MIB1: variants seen among roughly 807,000 people sequenced by gnomAD.
The protein encoded by MIB1 is MIB E3 ubiquitin protein ligase 1.
In MIB1, 278 loss-of-function variants were observed where a neutral mutation model predicts 124.5. The observed-to-expected ratio is 2.23, with a 90% CI of 2.02 to 2.47. The LOEUF (loss-of-function observed/expected upper bound fraction) is 2.47. Ranked by LOEUF, MIB1 falls within the 30% of genes most tolerant of loss-of-function variation. The pLI, the probability that MIB1 is intolerant of heterozygous loss-of-function variation, is 0.00. For missense variants in MIB1, 957 were observed against 1,254.4 expected (o/e 0.76, Z 3.58); for synonymous variants, 446 against 429.4 (o/e 1.04, Z -0.48).
At position 21,865,356 on chromosome 18, in the gene MIB1, A is replaced by G. The variant is rs1169182084; in HGVS notation, c.*690A>G. ...AGTTTCAAGGTGACTGATAGACAAG[A>G]AAAGGAAAAATAAGCAATAATAGTG... On this transcript the variant is annotated 3_prime_UTR_variant, in exon 21 of 21. Coordinates refer to ENST00000261537, the MANE Select transcript of MIB1 (RefSeq NM_020774.4). 5 of 152,332 alleles carry G rather than the reference A, an allele frequency of 3.3e-5. No individual in the cohort carries two copies. In the East Asian group the frequency reaches 9.6e-4, roughly 29 times the overall value. The allele number at this position is 152,332 out of a possible 1,614,324, so 9.4% of individuals were successfully genotyped here.
chr18:21,798,022 A>G, intron 7 of MIB1, 62 bp from the exon 8 acceptor site: 1 of 1,502,044 alleles, frequency 6.7e-7, no homozygotes, highest in South Asian at 1.3e-5. Flanking sequence ...TATAAAAACT[A>G]GTGATTGACT....
rs750564067 is a variant in MIB1, at chr18:21,778,174, G to T, written c.703+5G>T. ...GAGATCACTGCCCTGTGCTAGGTGA[G>T]TGAGAAGATTAGAGAGTATTACTAA... On this transcript the variant is annotated splice_donor_5th_base_variant and intron_variant, in intron 5 of 20. Transcript: ENST00000261537. 6.3e-7 allele frequency: 1 copy of T among 1,586,734 alleles called. No individual in the cohort carries two copies.
At chr18:21,829,105 C>A in intron 12 of MIB1, 1 of 435,168 alleles carries the variant, frequency 2.3e-6, no homozygotes. Context: ...AAGTTGTTAG[C>A]TGTAAAAACA....
intron 6 of MIB1, among the ~76,000 whole-genome samples, chr18:21,789,183 C>T (rs528808212): frequency 1.3e-5 from 2 of 152,086 alleles, no homozygotes; most frequent in African/African-American, 4.8e-5. Flanking sequence ...TGTTGTATGC[C>T]TTTCTCCCAG....
At position 21,779,555 on chromosome 18, in the gene MIB1, A is replaced by ATT; in HGVS notation, c.779_780dup (p.Val261LeufsTer20). The ATT allele has an allele frequency of 6.2e-7, 1 of 1,614,086 alleles. No individual in the cohort carries two copies. The highest frequency in any genetic ancestry group is 8.5e-7 in the Non-Finnish European group (1 of 1,180,000). ...GGTAAATATAGATCTCGACCTCGAA[A>ATT]TTGTACAGTCTTTGCAGCATGGTCA... On this transcript the variant is annotated frameshift_variant, in exon 6 of 21. Coordinates refer to ENST00000261537, the MANE Select transcript of MIB1 (RefSeq NM_020774.4). LOFTEE classifies it high-confidence loss of function.
chr18:21,729,186 A>G (rs1301145670), intron 1 of MIB1, among the ~76,000 whole-genome samples: 6 of 152,360 alleles, frequency 3.9e-5, no homozygotes, highest in Non-Finnish European at 7.3e-5. Context: ...CATCACCTCT[A>G]TAGGTCTTTG....
Position 21,798,614 on chromosome 18 carries a change from A to T in MIB1, c.1237+386A>T, listed in dbSNP as rs2041613675. ...TCTTTATTTTTTCTGTATTTCCAACATTATTGCTAGCAGATGGCTTTCCTT... is the reference window on the plus strand; with the variant it reads ...TCTTTATTTTTTCTGTATTTCCAACTTTATTGCTAGCAGATGGCTTTCCTT... On this transcript the variant is annotated intron_variant, in intron 8 of 20. Coordinates refer to ENST00000261537, the MANE Select transcript of MIB1 (RefSeq NM_020774.4). Among the ~76,000 whole-genome samples, 5 of 152,090 alleles carry T rather than the reference A, an allele frequency of 3.3e-5. No individual in the cohort carries two copies. In the South Asian group the frequency reaches 1.0e-3, roughly 32 times the overall value.
chr18:21,795,454 C>A (rs1174133262), intron 7 of MIB1, among the ~76,000 whole-genome samples: 1 of 147,550 alleles, frequency 6.8e-6, no homozygotes, highest in Non-Finnish European at 1.5e-5. Context: ...TATATTAAAG[C>A]AGACAATGTA....
At chr18:21,786,242 G>A (rs896003378) in intron 6 of MIB1, among the ~76,000 whole-genome samples, 7 of 151,910 alleles carry the variant, frequency 4.6e-5, no homozygotes, top group South Asian at 2.1e-4. Flanking sequence ...GACTACAGGC[G>A]CCTGCCACGA....
intron 1 of MIB1, among the ~76,000 whole-genome samples, chr18:21,723,879 C>CTT (rs879535779): frequency 2.1e-5 from 3 of 142,108 alleles, no homozygotes; most frequent in East Asian, 2.0e-4. Flanking sequence ...CAGAGCTTAA[C>CTT]TTTTTTTTTT....
chr18:21,741,952 C>A lies in MIB1; in HGVS notation c.229+140C>A. The A allele has an allele frequency of 1.4e-6, 1 of 728,662 alleles. No individual in the cohort carries two copies. Among genetic ancestry groups the A allele is most frequent in the Non-Finnish European group, 2.2e-6 (1 of 462,008 alleles). The allele number at this position is 728,662 out of a possible 1,614,324, so 45.1% of individuals were successfully genotyped here. A position where few individuals can be genotyped will look rare whatever the true frequency, so the allele number is the denominator to read the frequency against. On this transcript the variant is annotated intron_variant, in intron 1 of 20. Coordinates refer to ENST00000261537, the MANE Select transcript of MIB1 (RefSeq NM_020774.4). The surrounding 1 kb of genome is among the most constrained non-coding windows in gnomAD (Gnocchi z 5.4). ...GGCTGGAGCGAGCGGAAAGGCAAAG[C>A]GCCAAAGGAATTCTAGGTTCCGAAC...
chr18:21,831,105 C>CAAAAAAAAAAA (rs199659946), intron 12 of MIB1: 7 of 60,748 alleles, frequency 1.2e-4, no homozygotes, highest in East Asian at 7.9e-4. Context: ...CTAAAAAAGA[C>CAAAAAAAAAAA]AAAAAAAAAA....
chr18:21,828,591 CAGTG>C (rs1486460014), intron 12 of MIB1: 2 of 152,394 alleles, frequency 1.3e-5, no homozygotes, highest in Non-Finnish European at 2.9e-5. Flanking sequence ...CTGTACAAAT[CAGTG>C]AGCCCTACTA....
chr18:21,736,927 A>G (rs747336468), upstream of MIB1, among the ~76,000 whole-genome samples: 18 of 152,368 alleles, frequency 1.2e-4, no homozygotes, highest in Middle Eastern at 3.4e-3. Flanking sequence ...AATGGAACCA[A>G]GTTGGAAAAC....
chr18:21,745,321 T>C (rs950348449), intron 1 of MIB1, among the ~76,000 whole-genome samples: 2 of 152,204 alleles, frequency 1.3e-5, no homozygotes, highest in African/African-American at 4.8e-5. Flanking sequence ...GATAGGATAA[T>C]TTTTTGTTAT....
At position 21,863,313 on chromosome 18, in the gene MIB1, G is replaced by A. The variant is rs1017071536; in HGVS notation, c.2881-1213G>A. Among the ~76,000 whole-genome samples the A allele has an allele frequency of 3.3e-5, 5 of 152,226 alleles. No homozygotes were observed. In the South Asian group the frequency reaches 1.0e-3, roughly 31 times the overall value. On this transcript the variant is annotated intron_variant, in intron 20 of 20. Coordinates refer to ENST00000261537, the MANE Select transcript of MIB1 (RefSeq NM_020774.4). ...GGGTAGCTGCCCTCCGCCAGTGAGG[G>A]CAAAGGGCCAGTGTAACAGCCTTAT...
rs1301065067 is a variant in MIB1, at chr18:21,741,550, G to GGCGGCA, written c.-28_-23dup. 11 of 1,314,000 alleles carry GGCGGCA rather than the reference G, an allele frequency of 8.4e-6. No homozygotes were observed. In the African/African-American group the frequency reaches 1.4e-4, roughly 17 times the overall value. 81.4% of individuals were successfully genotyped at this position (1,314,000 alleles called of 1,614,324 possible). A position where few individuals can be genotyped will look rare whatever the true frequency, so the allele number is the denominator to read the frequency against. On this transcript the variant is annotated 5_prime_UTR_variant, in exon 1 of 21. Coordinates refer to ENST00000261537, the MANE Select transcript of MIB1 (RefSeq NM_020774.4). The surrounding 1 kb of genome is among the most constrained non-coding windows in gnomAD (Gnocchi z 5.4). ...CCCCGGCGGCAGCGGCGGCGGCGGC[G>GGCGGCA]GCGGCAGCGGCGGAGCCCACCGCCC...
At chr18:21,785,646 A>T (rs2041426581) in intron 6 of MIB1, among the ~76,000 whole-genome samples, 1 of 152,200 alleles carries the variant, frequency 6.6e-6, no homozygotes, top group African/African-American at 2.4e-5. Context: ...TGAGGTGATT[A>T]CACGTAATTG....
chr18:21,719,536 C>T (rs570580079), intron 1 of MIB1, among the ~76,000 whole-genome samples: 2 of 152,096 alleles, frequency 1.3e-5, no homozygotes, highest in East Asian at 1.9e-4. Flanking sequence ...AACCTCTGCC[C>T]CCTGGGTTCA....
Sources: gnomAD v4.1 joint callset for allele counts (sites outside exome capture counted in the v4.1 genomes callset) on GRCh38, gnomAD v4.1.1 for gene constraint, Gnocchi (gnomAD v3.1) non-coding constraint, MANE v1.5 for transcripts, NCBI Gene and HGNC (gene_info 2026-07-23, HGNC 2026-07-21) for gene names.